Variants in UMAD1 observed in about 807,000 individuals in gnomAD.
UMAD1 encodes the protein UBAP1-MVB12-associated (UMA) domain containing 1.
UMAD1 carries 8 observed loss-of-function variants against 6.1 expected under a neutral mutation model. That is an observed-to-expected ratio of 1.30 (90% confidence interval 0.76 to 2.35). UMAD1 has a LOEUF of 2.35. Among genes scored for constraint, UMAD1 ranks in the 30% most tolerant of loss-of-function variants. UMAD1 has a pLI of 0.00. For synonymous variants in UMAD1, 56 were observed against 31.4 expected (o/e 1.78, Z -2.61); for missense variants, 130 against 78.4 (o/e 1.66, Z -2.49).
chr7:7,768,676 C>A (rs544769470), intron 2 of UMAD1, among the ~76,000 whole-genome samples: 34 of 152,196 alleles, frequency 2.2e-4, no homozygotes, highest in African/African-American at 7.9e-4. Context: ...TTTTTTTCCT[C>A]CTACTTGTTT....
At chr7:7,822,787 A>G (rs559154758) in intron 3 of UMAD1, among the ~76,000 whole-genome samples, 5 of 152,074 alleles carry the variant, frequency 3.3e-5, no homozygotes, top group South Asian at 2.1e-4. Flanking sequence ...CTAGCAATCA[A>G]TTGAAGACAT....
intron 2 of UMAD1, among the ~76,000 whole-genome samples, chr7:7,688,513 C>A (rs554686643): frequency 6.6e-6 from 1 of 152,196 alleles, no homozygotes; most frequent in African/African-American, 2.4e-5. Context: ...TGCAGAGTGC[C>A]CAGCTTGTTT....
chr7:7,683,344 C>G (rs1779958967), intron 2 of UMAD1, among the ~76,000 whole-genome samples: 1 of 152,086 alleles, frequency 6.6e-6, no homozygotes, highest in South Asian at 2.1e-4. Context: ...TTTTTCCCCC[C>G]AGAGTTCTCC....
chr7:7,726,283 A>G (rs932949196), intron 2 of UMAD1, among the ~76,000 whole-genome samples: 3 of 152,236 alleles, frequency 2.0e-5, no homozygotes, highest in Non-Finnish European at 4.4e-5. Flanking sequence ...CTTATCCACC[A>G]TCATGGTATT....
intron 3 of UMAD1, among the ~76,000 whole-genome samples, chr7:7,852,436 C>T (rs534474463): frequency 5.3e-5 from 8 of 152,228 alleles, no homozygotes; most frequent in African/African-American, 1.9e-4. Flanking sequence ...GATTGCCCCA[C>T]ACCTCAGACA....
At chr7:7,775,237 T>A (rs1471993864) in intron 2 of UMAD1, among the ~76,000 whole-genome samples, 2 of 152,220 alleles carry the variant, frequency 1.3e-5, no homozygotes, top group Non-Finnish European at 1.5e-5. Flanking sequence ...AAATTAATAC[T>A]GCAATGAGAT....
intron 2 of UMAD1, among the ~76,000 whole-genome samples, chr7:7,756,498 T>C (rs1195756591): frequency 6.6e-6 from 1 of 152,138 alleles, no homozygotes; most frequent in Admixed American, 6.5e-5. Flanking sequence ...TGGCCCAGGA[T>C]CTTATTCTTT....
At chr7:7,824,335 C>T (rs1455607760) in intron 3 of UMAD1, among the ~76,000 whole-genome samples, 1 of 152,112 alleles carries the variant, frequency 6.6e-6, no homozygotes, top group Non-Finnish European at 1.5e-5. Context: ...ATTAATTCCC[C>T]CTTCTTTTAC....
At chr7:7,671,808 T>A (rs1270567761) in intron 1 of UMAD1, among the ~76,000 whole-genome samples, 5 of 152,180 alleles carry the variant, frequency 3.3e-5, no homozygotes, top group Non-Finnish European at 1.5e-5. Flanking sequence ...GTTTTCAAAC[T>A]TTTCTTTTGT....
chr7:7,720,110 A>G (rs931279684), intron 2 of UMAD1, among the ~76,000 whole-genome samples: 14 of 152,258 alleles, frequency 9.2e-5, no homozygotes, highest in African/African-American at 3.4e-4. Flanking sequence ...CCTAAAATAC[A>G]GTCACAAGTA....
intron 2 of UMAD1, among the ~76,000 whole-genome samples, chr7:7,792,845 C>T (rs980383787): frequency 2.0e-5 from 3 of 152,064 alleles, no homozygotes; most frequent in South Asian, 2.1e-4. Context: ...CTTTTTGGTT[C>T]GTAGAAGGCA....
chr7:7,734,171 G>T (rs1158934648), intron 2 of UMAD1, among the ~76,000 whole-genome samples: 1 of 152,038 alleles, frequency 6.6e-6, no homozygotes, highest in South Asian at 2.1e-4. Context: ...TTGAGATATT[G>T]TTCCTAGTTT....
At chr7:7,812,207 G>A (rs1783033836) in intron 3 of UMAD1, among the ~76,000 whole-genome samples, 1 of 152,146 alleles carries the variant, frequency 6.6e-6, no homozygotes, top group Non-Finnish European at 1.5e-5. Flanking sequence ...AACCATGTGA[G>A]GTGTATGAGA....
chr7:7,830,256 G>A lies in UMAD1; in HGVS notation c.156+28513G>A, dbSNP rs1288039686. Reference sequence around the variant, plus strand: ...CCTAAACATGCGTTGTAATCACACGGCTCTCTGTCTGCTTGCTAAAGATTG... The same window carrying A: ...CCTAAACATGCGTTGTAATCACACGACTCTCTGTCTGCTTGCTAAAGATTG... On this transcript the variant is annotated intron_variant, in intron 3 of 3. Coordinates refer to ENST00000682710, the MANE Select transcript of UMAD1 (RefSeq NM_001302348.2). The surrounding 1 kb of genome is among the most constrained non-coding windows in gnomAD (Gnocchi z 5.3). 3.3e-5 allele frequency among the ~76,000 whole-genome samples: 5 copies of A among 152,048 alleles called. No individual in the cohort carries two copies. The highest frequency in any genetic ancestry group is 7.2e-5 in the African/African-American group (3 of 41,394).
chr7:7,715,237 G>C (rs868715208), intron 2 of UMAD1: 1 of 152,136 alleles, frequency 6.6e-6, no homozygotes, highest in African/African-American at 2.4e-5. Flanking sequence ...CTGAGACAAA[G>C]TGAACTACAA....
intron 3 of UMAD1, among the ~76,000 whole-genome samples, chr7:7,831,558 C>CT (rs1783467399): frequency 6.6e-6 from 1 of 152,110 alleles, no homozygotes; most frequent in African/African-American, 2.4e-5. Context: ...TTTTTAGGCT[C>CT]TTTTTTGTTG....
intron 2 of UMAD1, among the ~76,000 whole-genome samples, chr7:7,733,532 T>A (rs937321005): frequency 6.7e-6 from 1 of 149,886 alleles, no homozygotes; most frequent in African/African-American, 2.5e-5. Context: ...TATGATGACA[T>A]GAAATGAGTG....
At chr7:7,796,244 CTTTTTTTT>C (rs59221325) in intron 2 of UMAD1, among the ~76,000 whole-genome samples, 2 of 63,976 alleles carry the variant, frequency 3.1e-5, no homozygotes, top group Non-Finnish European at 5.0e-5. Context: ...TATTTTCTTT[CTTTTTTTT>C]TTTTTTTTTT....
At chr7:7,730,417 C>T (rs1004442293) in intron 2 of UMAD1, among the ~76,000 whole-genome samples, 1 of 152,222 alleles carries the variant, frequency 6.6e-6, no homozygotes. Context: ...GACATGTTTG[C>T]TGCTTCTTGC....
Sources: gnomAD v4.1 joint callset for allele counts (sites outside exome capture counted in the v4.1 genomes callset) on GRCh38, gnomAD v4.1.1 for gene constraint, Gnocchi (gnomAD v3.1) non-coding constraint, MANE v1.5 for transcripts, NCBI Gene and HGNC (gene_info 2026-07-23, HGNC 2026-07-21) for gene names.